Variants in KCNH8 observed in about 807,000 individuals in gnomAD.
KCNH8 encodes voltage-gated delayed rectifier potassium channel KCNH8.
A neutral mutation model predicts 103.6 loss-of-function variants in KCNH8; 70 were observed. That is an observed-to-expected ratio of 0.68 (90% confidence interval 0.56 to 0.82). KCNH8 has a LOEUF of 0.82. KCNH8 is among the 40% of genes least tolerant of loss of function. The probability of loss-of-function intolerance (pLI) is 0.00; values close to 1 mark genes in which losing one functional copy is unlikely to be tolerated. For synonymous variants in KCNH8, 498 were observed against 489.4 expected (o/e 1.02, Z -0.23); for missense variants, 1,217 against 1,329.9 (o/e 0.92, Z 1.32).
At chr3:19,168,011 C>CTTT in intron 1 of KCNH8, among the ~76,000 whole-genome samples, 1 of 135,774 alleles carries the variant, frequency 7.4e-6, no homozygotes. Flanking sequence ...CTCTCCACTT[C>CTTT]TTTTTTTTTT....
intron 8 of KCNH8, among the ~76,000 whole-genome samples, chr3:19,441,920 C>T (rs2067290544): frequency 6.6e-6 from 1 of 152,188 alleles, no homozygotes. Flanking sequence ...CCTCAAAGAG[C>T]TTATGATCCA....
At chr3:19,312,278 T>C (rs2065217824) in intron 3 of KCNH8, among the ~76,000 whole-genome samples, 1 of 151,946 alleles carries the variant, frequency 6.6e-6, no homozygotes, top group Non-Finnish European at 1.5e-5. Flanking sequence ...CCTTCTATTT[T>C]TCCTTATTAT....
chr3:19,332,783 C>G (rs539789202), intron 3 of KCNH8, among the ~76,000 whole-genome samples: 1 of 152,094 alleles, frequency 6.6e-6, no homozygotes, highest in Non-Finnish European at 1.5e-5. Flanking sequence ...CAGGTGCACG[C>G]CACCACACCC....
intron 1 of KCNH8, among the ~76,000 whole-genome samples, chr3:19,185,063 G>A (rs555154816): frequency 1.3e-5 from 2 of 151,656 alleles, no homozygotes; most frequent in Admixed American, 6.6e-5. Flanking sequence ...TTGGCTGTTA[G>A]CATTATTCAT....
intron 11 of KCNH8, among the ~76,000 whole-genome samples, chr3:19,466,649 ATTTTTTTT>A (rs869048680): frequency 7.9e-4 from 40 of 50,642 alleles, no homozygotes; most frequent in African/African-American, 2.9e-3. Flanking sequence ...GTAGCAATAC[ATTTTTTTT>A]TTTTTTTTTT....
chr3:19,426,549 G>C (rs976386478), intron 7 of KCNH8, among the ~76,000 whole-genome samples: 1 of 150,202 alleles, frequency 6.7e-6, no homozygotes, highest in African/African-American at 2.5e-5. Flanking sequence ...TAAAATTGAT[G>C]TGGCATACAA....
chr3:19,442,041 A>T (rs1400036746), intron 8 of KCNH8, among the ~76,000 whole-genome samples: 1 of 152,178 alleles, frequency 6.6e-6, no homozygotes, highest in Non-Finnish European at 1.5e-5. Context: ...GTTTCTTGGA[A>T]AGACAGTGCC....
chr3:19,501,698 C>A (rs1467301818), intron 11 of KCNH8, among the ~76,000 whole-genome samples: 2 of 152,162 alleles, frequency 1.3e-5, no homozygotes, highest in Admixed American at 1.3e-4. Context: ...TCAATAGATG[C>A]AGAAAAGGCC....
chr3:19,374,597 C>G (rs1182647536), intron 5 of KCNH8, among the ~76,000 whole-genome samples: 1 of 151,960 alleles, frequency 6.6e-6, no homozygotes, highest in African/African-American at 2.4e-5. Flanking sequence ...GCATTTAGTC[C>G]ATTTACATTT....
intron 1 of KCNH8, among the ~76,000 whole-genome samples, chr3:19,197,024 T>A (rs2063609135): frequency 6.6e-6 from 1 of 151,948 alleles, no homozygotes; most frequent in South Asian, 2.1e-4. Context: ...AAAACAGGGG[T>A]CCTATTACTT....
At chr3:19,246,240 TTAAA>T (rs1388964037) in intron 1 of KCNH8, among the ~76,000 whole-genome samples, 1 of 151,430 alleles carries the variant, frequency 6.6e-6, no homozygotes, top group Non-Finnish European at 1.5e-5. Flanking sequence ...AAATGAATGA[TTAAA>T]TAACTTTAAG....
intron 1 of KCNH8, among the ~76,000 whole-genome samples, chr3:19,173,851 T>C (rs2063372251): frequency 6.6e-6 from 1 of 152,004 alleles, no homozygotes; most frequent in South Asian, 2.1e-4. Flanking sequence ...TCTCTTTGTG[T>C]CCCCAGGACT....
intron 5 of KCNH8, among the ~76,000 whole-genome samples, chr3:19,363,327 A>G (rs919310430): frequency 6.6e-5 from 10 of 152,136 alleles, no homozygotes; most frequent in East Asian, 3.9e-4. Flanking sequence ...CAGCACTTCT[A>G]AGAACAAGGA....
chr3:19,469,177 A>C (rs1559342232), intron 11 of KCNH8, among the ~76,000 whole-genome samples: 1 of 152,190 alleles, frequency 6.6e-6, no homozygotes, highest in Non-Finnish European at 1.5e-5. Flanking sequence ...TTGTTCTTAG[A>C]AAATTGCATA....
chr3:19,385,822 G>A (rs1485644130), intron 5 of KCNH8, among the ~76,000 whole-genome samples: 1 of 152,006 alleles, frequency 6.6e-6, no homozygotes. Context: ...TTAAATATTA[G>A]TCAACAGCTG....
chr3:19,410,154 C>G (rs1350453159), intron 7 of KCNH8, among the ~76,000 whole-genome samples: 1 of 151,964 alleles, frequency 6.6e-6, no homozygotes, highest in Non-Finnish European at 1.5e-5. Context: ...GAATAAGTCT[C>G]AATAAATTTT....
At chr3:19,298,952 A>G (rs566926291) in intron 3 of KCNH8, among the ~76,000 whole-genome samples, 63 of 151,090 alleles carry the variant, frequency 4.2e-4, no homozygotes, top group African/African-American at 1.4e-3. Flanking sequence ...AAGAGAAACA[A>G]TTAGATTTGA....
chr3:19,156,807 T>G (rs1429013068), intron 1 of KCNH8, among the ~76,000 whole-genome samples: 2 of 152,078 alleles, frequency 1.3e-5, no homozygotes, highest in Non-Finnish European at 2.9e-5. Flanking sequence ...TAGAGGAAAT[T>G]CTTCCATGTA....
intron 11 of KCNH8, among the ~76,000 whole-genome samples, chr3:19,507,082 G>A (rs1484894689): frequency 1.3e-5 from 2 of 152,164 alleles, no homozygotes; most frequent in Non-Finnish European, 1.5e-5. Flanking sequence ...TGTTCAGCCA[G>A]GGGATGAGAC....
Sources: allele counts gnomAD v4.1 joint callset (sites outside exome capture counted in the v4.1 genomes callset), GRCh38; gene constraint gnomAD v4.1.1; transcripts MANE v1.5; gene names NCBI Gene and HGNC (gene_info 2026-07-23, HGNC 2026-07-21).